The following AGPAT4 variants were observed in gnomAD, a reference collection of about 807,000 sequenced individuals.
AGPAT4 encodes the protein 1-acyl-sn-glycerol-3-phosphate acyltransferase delta.
AGPAT4 carries 15 observed loss-of-function variants against 48.0 expected under a neutral mutation model. The observed-to-expected ratio is 0.31, with a 90% CI of 0.21 to 0.48. AGPAT4 has a LOEUF of 0.48. Ranked by LOEUF, AGPAT4 falls within the 20% of genes least tolerant of loss-of-function variation. The pLI is 0.99. For missense variants in AGPAT4, 314 were observed against 482.5 expected (o/e 0.65, Z 3.27); for synonymous variants, 178 against 198.7 (o/e 0.90, Z 0.88).
chr6:161,170,903 G>A (rs1163360660), intron 2 of AGPAT4, among the ~76,000 whole-genome samples: 2 of 152,210 alleles, frequency 1.3e-5, no homozygotes, highest in Non-Finnish European at 2.9e-5. Context: ...GTTCACAGTG[G>A]CTGCAGATCT....
rs745445784 is a variant in AGPAT4, at chr6:161,165,809, G to A, written c.348+439C>T. 27 of 580,612 alleles carry A rather than the reference G, an allele frequency of 4.7e-5. No homozygotes were observed. The highest frequency in any genetic ancestry group is 9.2e-5 in the Admixed American group (4 of 43,372). 36.0% of individuals were successfully genotyped at this position (580,612 alleles called of 1,614,324 possible). A position where few individuals can be genotyped will look rare whatever the true frequency, so the allele number is the denominator to read the frequency against. On this transcript the variant is annotated intron_variant, in intron 3 of 8. Transcript: ENST00000320285. The surrounding 1 kb of genome is among the most constrained non-coding windows in gnomAD (Gnocchi z 5.5). ...GACTCAAAGTTCTTAAGCCTTCAAC[G>A]ATCAAAATGCAGAGGTGATGTCTGC...
Position 161,136,532 on chromosome 6 carries a change from T to C in AGPAT4, c.*8A>G. On this transcript the variant is annotated 3_prime_UTR_variant, in exon 9 of 9. Coordinates refer to ENST00000320285, the MANE Select transcript of AGPAT4 (RefSeq NM_020133.3). ...AAGGTTCCCTTCGGATGGTGACACCTCCCTGAGTCAGTCATTCAGTTTCTG... is the reference window on the plus strand; with the variant it reads ...AAGGTTCCCTTCGGATGGTGACACCCCCCTGAGTCAGTCATTCAGTTTCTG... 4 of 1,613,670 alleles carry C rather than the reference T, an allele frequency of 2.5e-6. No homozygotes were observed. Among genetic ancestry groups the C allele is most frequent in the Non-Finnish European group, 3.4e-6 (4 of 1,179,704 alleles).
rs1783457426 is a variant in AGPAT4 at position 161,272,533 on chromosome 6, G to A, written c.-90+1405C>T. ...TGTCTTTCTAAGAGATGTGTTATTT[G>A]ATTCTAATTATAATTAACTTTGCTT... On this transcript the variant is annotated intron_variant, in intron 1 of 8. Coordinates refer to ENST00000320285, the MANE Select transcript of AGPAT4 (RefSeq NM_020133.3). This position sits in a 1 kb window ranked among gnomAD's most constrained non-coding sequence, Gnocchi z 4.2. Among the ~76,000 whole-genome samples, 1 of 152,040 alleles carries A rather than the reference G, an allele frequency of 6.6e-6. No homozygotes were observed. The highest frequency in any genetic ancestry group is 1.5e-5 in the Non-Finnish European group (1 of 68,004).
chr6:161,211,464 AAG>A (rs1009886640), intron 2 of AGPAT4, among the ~76,000 whole-genome samples: 1 of 152,146 alleles, frequency 6.6e-6, no homozygotes, highest in Non-Finnish European at 1.5e-5. Context: ...TTTCTTTGGC[AAG>A]AAAGCTTAAA....
At position 161,272,888 on chromosome 6, in the gene AGPAT4, G is replaced by A. The variant is rs779139762; in HGVS notation, c.-90+1050C>T. 2.0e-5 allele frequency among the ~76,000 whole-genome samples: 3 copies of A among 152,146 alleles called. No homozygotes were observed. The highest frequency in any genetic ancestry group is 4.4e-5 in the Non-Finnish European group (3 of 68,040). On this transcript the variant is annotated intron_variant, in intron 1 of 8. Transcript: ENST00000320285. The surrounding 1 kb of genome is among the most constrained non-coding windows in gnomAD (Gnocchi z 4.2). ...CGTGGCTAATCCATCTAAGAACAATGCACGAAAACGAAAAACGGAGAATCC... is the reference window on the plus strand; with the variant it reads ...CGTGGCTAATCCATCTAAGAACAATACACGAAAACGAAAAACGGAGAATCC...
intron 2 of AGPAT4, among the ~76,000 whole-genome samples, chr6:161,224,188 G>A (rs1408143163): frequency 6.6e-6 from 1 of 152,134 alleles, no homozygotes; most frequent in Non-Finnish European, 1.5e-5. Flanking sequence ...TTGTTTGTTT[G>A]TTGTCCTATA....
chr6:161,257,422 A>G (rs542698378), intron 1 of AGPAT4, among the ~76,000 whole-genome samples: 62 of 152,314 alleles, frequency 4.1e-4, no homozygotes, highest in Middle Eastern at 3.4e-3. Context: ...TGAGCTACAG[A>G]CACATGTGAG....
chr6:161,171,881 C>A lies in AGPAT4; in HGVS notation c.179-5464G>T, dbSNP rs903490960. 2.6e-5 allele frequency among the ~76,000 whole-genome samples: 4 copies of A among 152,124 alleles called. No individual in the cohort carries two copies. Among genetic ancestry groups the A allele is most frequent in the African/African-American group, 9.7e-5 (4 of 41,410 alleles). ...CACCACTGCACTCCAGCCTGGGTGA[C>A]AGAGCAAGACTCCATCTCAAAAACA... On this transcript the variant is annotated intron_variant, in intron 2 of 8. Transcript: ENST00000320285. This position sits in a 1 kb window ranked among gnomAD's most constrained non-coding sequence, Gnocchi z 4.4.
At position 161,143,012 on chromosome 6, in the gene AGPAT4, A is replaced by G. The variant is rs1051028097; in HGVS notation, c.844-3392T>C. The stretch of plus-strand genomic sequence containing the variant: ...ACCATGCCTGCACCCTGAACTCTGC[A>G]CCCCACCCAGAGCTGCTCCCGACCT... On this transcript the variant is annotated intron_variant, in intron 7 of 8. Coordinates refer to ENST00000320285, the MANE Select transcript of AGPAT4 (RefSeq NM_020133.3). This position sits in a 1 kb window ranked among gnomAD's most constrained non-coding sequence, Gnocchi z 4.7. 8.5e-5 allele frequency among the ~76,000 whole-genome samples: 13 copies of G among 152,218 alleles called. No homozygotes were observed. Among genetic ancestry groups the G allele is most frequent in the African/African-American group, 2.9e-4 (12 of 41,544 alleles).
chr6:161,210,997 G>A (rs1781507553), intron 2 of AGPAT4, among the ~76,000 whole-genome samples: 1 of 152,208 alleles, frequency 6.6e-6, no homozygotes, highest in African/African-American at 2.4e-5. Context: ...TATAAACTAA[G>A]TTCCTCCAAA....
chr6:161,156,115 C>T (rs1041685154), intron 3 of AGPAT4, among the ~76,000 whole-genome samples: 2 of 152,236 alleles, frequency 1.3e-5, no homozygotes, highest in Non-Finnish European at 2.9e-5. Context: ...AGATGGTCAC[C>T]TGGGATGGGA....
At chr6:161,150,344 C>T (rs80264998) in intron 5 of AGPAT4, among the ~76,000 whole-genome samples, 1 of 152,166 alleles carries the variant, frequency 6.6e-6, no homozygotes, top group South Asian at 2.1e-4. Flanking sequence ...GAGAAGGGAG[C>T]CTCTGTCACA....
Position 161,270,613 on chromosome 6 carries a change from A to G in AGPAT4, c.-90+3325T>C, listed in dbSNP as rs1783393540. Reference sequence around the variant, plus strand: ...GTGAAATTCTATCTCTACTAAAAATACAAAAAAATAAAAAATAAATTAGCT... The same window carrying G: ...GTGAAATTCTATCTCTACTAAAAATGCAAAAAAATAAAAAATAAATTAGCT... On this transcript the variant is annotated intron_variant, in intron 1 of 8. Transcript: ENST00000320285. This position sits in a 1 kb window ranked among gnomAD's most constrained non-coding sequence, Gnocchi z 5.3. 6.6e-6 allele frequency among the ~76,000 whole-genome samples: 1 copy of G among 152,128 alleles called. No homozygotes were observed. Among genetic ancestry groups the G allele is most frequent in the East Asian group, 1.9e-4 (1 of 5,182 alleles).
chr6:161,154,930 G>C lies in AGPAT4; in HGVS notation c.349-620C>G, dbSNP rs1378652479. 1.3e-5 allele frequency among the ~76,000 whole-genome samples: 2 copies of C among 152,230 alleles called. No individual in the cohort carries two copies. Among genetic ancestry groups the C allele is most frequent in the Non-Finnish European group, 2.9e-5 (2 of 68,048 alleles). On this transcript the variant is annotated intron_variant, in intron 3 of 8. Transcript: ENST00000320285. The surrounding 1 kb of genome is among the most constrained non-coding windows in gnomAD (Gnocchi z 7.8). The stretch of plus-strand genomic sequence containing the variant: ...AGGCAAACAGGAGTCTCCGCTCACA[G>C]AGCAGGCTGCGGAGCCCAGTGGGAT...
intron 2 of AGPAT4, among the ~76,000 whole-genome samples, chr6:161,168,897 C>T (rs1317734400): frequency 6.6e-6 from 1 of 152,172 alleles, no homozygotes; most frequent in Non-Finnish European, 1.5e-5. Context: ...CTCAATGTCC[C>T]CCTTCTCTGT....
chr6:161,237,146 C>T (rs1192058984), intron 1 of AGPAT4, among the ~76,000 whole-genome samples: 1 of 152,170 alleles, frequency 6.6e-6, no homozygotes, highest in South Asian at 2.1e-4. Flanking sequence ...ACTGCACCAG[C>T]GTTTAAAACA....
At chr6:161,170,461 ACG>A (rs1298668930) in intron 2 of AGPAT4, among the ~76,000 whole-genome samples, 35 of 94,236 alleles carry the variant, frequency 3.7e-4, no homozygotes, top group African/African-American at 1.4e-3. Flanking sequence ...GCGCGTGCAC[ACG>A]TGCGCGCGCG....
rs994803470 is a variant in AGPAT4, at chr6:161,229,286, A to G, written c.178+2750T>C. ...AAATCATGAATGCTGATGACTGTCT[A>G]AGCTCAGAGTGACTCATACACCAGA... On this transcript the variant is annotated intron_variant, in intron 2 of 8. Coordinates refer to ENST00000320285, the MANE Select transcript of AGPAT4 (RefSeq NM_020133.3). This position sits in a 1 kb window ranked among gnomAD's most constrained non-coding sequence, Gnocchi z 6.0. Among the ~76,000 whole-genome samples, 1 of 152,124 alleles carries G rather than the reference A, an allele frequency of 6.6e-6. No homozygotes were observed. The highest frequency in any genetic ancestry group is 6.5e-5 in the Admixed American group (1 of 15,276).
chr6:161,268,391 T>C (rs896530076), intron 1 of AGPAT4, among the ~76,000 whole-genome samples: 3 of 152,198 alleles, frequency 2.0e-5, no homozygotes, highest in Non-Finnish European at 4.4e-5. Context: ...TGCAGGTTTG[T>C]TACATAGGTA....
Sources: gnomAD v4.1 joint callset for allele counts (sites outside exome capture counted in the v4.1 genomes callset) on GRCh38, gnomAD v4.1.1 for gene constraint, Gnocchi (gnomAD v3.1) non-coding constraint, MANE v1.5 for transcripts, NCBI Gene and HGNC (gene_info 2026-07-23, HGNC 2026-07-21) for gene names.